SGCG: variants seen among roughly 807,000 people sequenced by gnomAD.
SGCG encodes gamma-sarcoglycan.
In SGCG, 26 loss-of-function variants were observed where a neutral mutation model predicts 29.3. That is an observed-to-expected ratio of 0.89 (90% confidence interval 0.65 to 1.23). The LOEUF (loss-of-function observed/expected upper bound fraction) is 1.23, where lower values mean the gene tolerates loss of function less well. Ranked by LOEUF, SGCG falls within the 50% of genes most tolerant of loss-of-function variation. The probability of loss-of-function intolerance (pLI) is 0.00; values close to 1 mark genes in which losing one functional copy is unlikely to be tolerated. For synonymous variants in SGCG, 145 were observed against 129.7 expected (o/e 1.12, Z -0.80); for missense variants, 353 against 356.0 (o/e 0.99, Z 0.07).
intron 2 of SGCG, 45 bp from the exon 3 acceptor site, chr13:23,234,566 C>T: frequency 7.7e-7 from 1 of 1,298,850 alleles, no homozygotes; most frequent in South Asian, 1.2e-5. Context: ...AATGAAAAAG[C>T]AAGCAATAAA....
At chr13:23,275,873 C>A (rs950306749) in intron 4 of SGCG, among the ~76,000 whole-genome samples, 3 of 152,124 alleles carry the variant, frequency 2.0e-5, no homozygotes, top group Admixed American at 6.6e-5. Context: ...ATATTTGTTT[C>A]TAAATGATTT....
intron 1 of SGCG, among the ~76,000 whole-genome samples, chr13:23,196,340 T>C (rs1421844713): frequency 6.7e-6 from 1 of 150,080 alleles, no homozygotes; most frequent in Non-Finnish European, 1.5e-5. Flanking sequence ...TATTGTTTGT[T>C]TGATGTTCTT....
At chr13:23,209,888 T>C (rs1566000381) in intron 2 of SGCG, among the ~76,000 whole-genome samples, 1 of 152,230 alleles carries the variant, frequency 6.6e-6, no homozygotes, top group Non-Finnish European at 1.5e-5. Flanking sequence ...TGGAAATTTG[T>C]TACACAGAAA....
intron 3 of SGCG, 133 bp downstream of exon 3, chr13:23,234,845 A>C: frequency 1.5e-6 from 1 of 665,904 alleles, no homozygotes; most frequent in Non-Finnish European, 2.7e-6. Context: ...TGCTCTTTAT[A>C]AAAAGCTTGA....
intron 1 of SGCG, among the ~76,000 whole-genome samples, chr13:23,193,008 C>T (rs1877339876): frequency 1.3e-5 from 2 of 152,094 alleles, no homozygotes; most frequent in Admixed American, 1.3e-4. Flanking sequence ...TCATTATGTC[C>T]TAAAAGGAAC....
intron 6 of SGCG, among the ~76,000 whole-genome samples, chr13:23,300,870 C>T (rs1195708017): frequency 2.0e-5 from 3 of 148,926 alleles, no homozygotes; most frequent in Admixed American, 2.0e-4. Flanking sequence ...AATCCCAGCA[C>T]TTTGGGAGGC....
At chr13:23,300,047 A>G (rs1165594668) in intron 6 of SGCG, among the ~76,000 whole-genome samples, 2 of 152,234 alleles carry the variant, frequency 1.3e-5, no homozygotes, top group Non-Finnish European at 2.9e-5. Context: ...AAATCTTCCC[A>G]GGGTAATCTG....
At chr13:23,261,995 A>G (rs1018306333) in intron 4 of SGCG, among the ~76,000 whole-genome samples, 1 of 152,064 alleles carries the variant, frequency 6.6e-6, no homozygotes, top group Non-Finnish European at 1.5e-5. Context: ...CCCTAAAAGA[A>G]ATGCTGAAAG....
chr13:23,280,342 T>TA (rs1881262669), intron 5 of SGCG, among the ~76,000 whole-genome samples: 1 of 152,220 alleles, frequency 6.6e-6, no homozygotes, highest in South Asian at 2.1e-4. Flanking sequence ...CTTTCTGTAC[T>TA]ACTGTGAAAA....
At chr13:23,201,166 A>C (rs201951242) in intron 1 of SGCG, among the ~76,000 whole-genome samples, 1 of 82,028 alleles carries the variant, frequency 1.2e-5, no homozygotes, top group Non-Finnish European at 2.9e-5. Context: ...GGTGCTGATT[A>C]GGGGACCTAA....
At chr13:23,213,869 G>C (rs494141) in intron 2 of SGCG, among the ~76,000 whole-genome samples, 34,659 of 152,036 alleles carry the variant, frequency 0.23, 4,139 homozygotes, top group Middle Eastern at 0.33. Flanking sequence ...CTCAGCCTAG[G>C]GGTGGTTTTG....
chr13:23,315,376 C>T (rs1022473626), intron 6 of SGCG, among the ~76,000 whole-genome samples: 1 of 152,100 alleles, frequency 6.6e-6, no homozygotes, highest in Non-Finnish European at 1.5e-5. Flanking sequence ...CGATCGTGCT[C>T]GAGCAGGTCC....
intron 4 of SGCG, among the ~76,000 whole-genome samples, chr13:23,261,804 A>T (rs1318071863): frequency 6.6e-6 from 1 of 152,076 alleles, no homozygotes; most frequent in Non-Finnish European, 1.5e-5. Flanking sequence ...ACTAACAGCA[A>T]ATTTCTTAGC....
intron 1 of SGCG, among the ~76,000 whole-genome samples, chr13:23,192,212 G>A (rs1394442299): frequency 2.0e-5 from 3 of 151,530 alleles, no homozygotes; most frequent in African/African-American, 7.3e-5. Context: ...TTCAGCCTAT[G>A]AATCATGGCA....
At chr13:23,226,553 A>G (rs1335974519) in intron 2 of SGCG, among the ~76,000 whole-genome samples, 1 of 152,254 alleles carries the variant, frequency 6.6e-6, no homozygotes, top group Non-Finnish European at 1.5e-5. Flanking sequence ...TGTTCAACAC[A>G]ATGCCAATTG....
chr13:23,235,801 T>G (rs1879285682), intron 3 of SGCG, among the ~76,000 whole-genome samples: 1 of 152,098 alleles, frequency 6.6e-6, no homozygotes, highest in Non-Finnish European at 1.5e-5. Flanking sequence ...TTTCAGTATC[T>G]CCTAACTGCA....
rs553500739 is a variant in SGCG at position 23,310,195 on chromosome 13, T to C, written c.579-10442T>C. Among the ~76,000 whole-genome samples the C allele has an allele frequency of 9.6e-5, 14 of 145,418 alleles. No individual in the cohort carries two copies. In the South Asian group the frequency reaches 2.1e-3, roughly 22 times the overall value. ...TCCGCCTCCTGGGTTCACGCCATTC[T>C]CCTGCCTCAGCCTCCCAAGTAGCTG... On this transcript the variant is annotated intron_variant, in intron 6 of 7. Transcript: ENST00000218867.
chr13:23,314,407 T>TATATATATAA (rs1439124394), intron 6 of SGCG, among the ~76,000 whole-genome samples: 47 of 140,940 alleles, frequency 3.3e-4, no homozygotes, highest in African/African-American at 1.2e-3. Flanking sequence ...TATATATATA[T>TATATATATAA]AATCTTATTC....
At chr13:23,312,460 A>G (rs1179585925) in intron 6 of SGCG, among the ~76,000 whole-genome samples, 2 of 152,258 alleles carry the variant, frequency 1.3e-5, no homozygotes, top group Non-Finnish European at 2.9e-5. Flanking sequence ...AGTGTTCACC[A>G]GTTTTCATTT....
Sources: gnomAD v4.1 joint callset for allele counts (sites outside exome capture counted in the v4.1 genomes callset) on GRCh38, gnomAD v4.1.1 for gene constraint, MANE v1.5 for transcripts, NCBI Gene and HGNC (gene_info 2026-07-23, HGNC 2026-07-21) for gene names.